The following TLN2 variants were observed in gnomAD, a reference collection of about 807,000 sequenced individuals.
TLN2 encodes talin 2, also known as talin-2.
TLN2 carries 118 observed loss-of-function variants against 294.7 expected under a neutral mutation model. The ratio of observed to expected loss-of-function variants is 0.40; its 90% CI spans 0.34 to 0.47. The LOEUF is 0.47. TLN2 is among the 20% of genes least tolerant of loss of function. The pLI is 0.84. For synonymous variants in TLN2, 1,431 were observed against 1,304.5 expected, an observed-to-expected ratio of 1.10 and a Z score of -2.09; for missense variants, 3,083 against 3,282.2, an observed-to-expected ratio of 0.94 and a Z score of 1.48.
intron 2 of TLN2, among the ~76,000 whole-genome samples, chr15:62,593,330 A>G (rs1237801485): frequency 1.3e-5 from 2 of 151,862 alleles, no homozygotes; most frequent in East Asian, 3.9e-4. Context: ...AGCACTGTCA[A>G]TCAAGATTCC....
intron 3 of TLN2, among the ~76,000 whole-genome samples, chr15:62,631,536 CCT>C (rs2049854240): frequency 2.8e-5 from 2 of 72,648 alleles, no homozygotes; most frequent in Non-Finnish European, 5.2e-5. Context: ...CCTTTCCTTT[CCT>C]TTCCTTTCCA....
intron 1 of TLN2, among the ~76,000 whole-genome samples, chr15:62,547,485 AC>A (rs1408297307): frequency 6.6e-6 from 1 of 152,178 alleles, no homozygotes; most frequent in Non-Finnish European, 1.5e-5. Flanking sequence ...GTAAATCCCA[AC>A]CTCTGTTTAT....
chr15:62,760,738 C>G (rs190330216), intron 37 of TLN2, among the ~76,000 whole-genome samples: 15 of 152,176 alleles, frequency 9.9e-5, no homozygotes, highest in Admixed American at 2.6e-4. Flanking sequence ...CCATCCAGAC[C>G]GTAAATCAGC....
chr15:62,813,983 T>A lies in TLN2; in HGVS notation c.6771+3951T>A, dbSNP rs1459531130. Among the ~76,000 whole-genome samples, 3 of 152,058 alleles carry A rather than the reference T, an allele frequency of 2.0e-5. No homozygotes were observed. In the East Asian group the frequency reaches 5.8e-4, roughly 29 times the overall value. On this transcript the variant is annotated intron_variant, in intron 52 of 58. Transcript: ENST00000636159. The stretch of plus-strand genomic sequence containing the variant: ...GCACGAGCTACCAGGCCTAGCTAAT[T>A]TTGTCTTTTTTGTAGAGATGGGGTT...
chr15:62,772,714 G>A (rs779820848), intron 42 of TLN2, among the ~76,000 whole-genome samples: 1 of 151,744 alleles, frequency 6.6e-6, no homozygotes, highest in Non-Finnish European at 1.5e-5. Flanking sequence ...CCAGCCTGGA[G>A]TGCAATGGCG....
intron 28 of TLN2, among the ~76,000 whole-genome samples, chr15:62,729,638 G>A (rs2060612949): frequency 6.6e-6 from 1 of 152,020 alleles, no homozygotes; most frequent in African/African-American, 2.4e-5. Flanking sequence ...TTAATGGATT[G>A]GGTATCCTCT....
chr15:62,609,076 T>C (rs1159490651), intron 2 of TLN2, among the ~76,000 whole-genome samples: 1 of 151,916 alleles, frequency 6.6e-6, no homozygotes, highest in African/African-American at 2.4e-5. Flanking sequence ...ACGTTAGGGA[T>C]AGATGAAGAA....
intron 11 of TLN2, among the ~76,000 whole-genome samples, chr15:62,678,311 G>T (rs551740214): frequency 6.6e-6 from 1 of 152,138 alleles, no homozygotes; most frequent in African/African-American, 2.4e-5. Context: ...ATTCAGGAAT[G>T]AGTCAATATT....
At chr15:62,641,812 G>A (rs1466123253) in intron 3 of TLN2, among the ~76,000 whole-genome samples, 9 of 152,112 alleles carry the variant, frequency 5.9e-5, no homozygotes, top group Non-Finnish European at 8.8e-5. Flanking sequence ...TAAGGCAGGT[G>A]GGGTCAGGGC....
chr15:62,806,712 C>T (rs2066310283), intron 51 of TLN2, among the ~76,000 whole-genome samples: 1 of 152,122 alleles, frequency 6.6e-6, no homozygotes, highest in Non-Finnish European at 1.5e-5. Flanking sequence ...TATAAGAGCC[C>T]CCACCCTAGG....
intron 1 of TLN2, among the ~76,000 whole-genome samples, chr15:62,512,204 G>A (rs568162844): frequency 6.6e-6 from 1 of 152,216 alleles, no homozygotes; most frequent in African/African-American, 2.4e-5. Flanking sequence ...ATCTTTTTGT[G>A]TGGTTTGGAT....
chr15:62,786,003 G>A (rs898794523), intron 45 of TLN2, among the ~76,000 whole-genome samples: 7 of 152,220 alleles, frequency 4.6e-5, no homozygotes, highest in Admixed American at 3.3e-4. Flanking sequence ...CCTTTTCACT[G>A]TTACATCTTG....
chr15:62,541,867 C>A (rs2140524181), intron 1 of TLN2, among the ~76,000 whole-genome samples: 1 of 152,056 alleles, frequency 6.6e-6, no homozygotes, highest in Admixed American at 6.6e-5. Flanking sequence ...GGGCCCTCGA[C>A]TATCAGTGAC....
chr15:62,569,756 C>T (rs1009302958), intron 1 of TLN2, among the ~76,000 whole-genome samples: 6 of 152,156 alleles, frequency 3.9e-5, no homozygotes, highest in East Asian at 3.9e-4. Context: ...AGGATAGGCA[C>T]GGCTGAATTT....
At chr15:62,677,931 G>A (rs553001553) in intron 11 of TLN2, among the ~76,000 whole-genome samples, 21 of 149,412 alleles carry the variant, frequency 1.4e-4, no homozygotes, top group Admixed American at 6.8e-4. Flanking sequence ...GAGTAGCTAG[G>A]GTTACAGGCA....
intron 1 of TLN2, among the ~76,000 whole-genome samples, chr15:62,482,602 CAAAAAAAA>C (rs781297837): frequency 4.0e-5 from 3 of 75,782 alleles, no homozygotes; most frequent in African/African-American, 1.4e-4. Flanking sequence ...AACGTTGTCT[CAAAAAAAA>C]AAAAAAAAAA....
chr15:62,403,411 A>G (rs1024114169), intron 1 of TLN2, among the ~76,000 whole-genome samples: 6 of 151,830 alleles, frequency 4.0e-5, no homozygotes, highest in Admixed American at 6.6e-5. Context: ...CTTTTTGCCA[A>G]TTTTTGTTTT....
intron 3 of TLN2, among the ~76,000 whole-genome samples, chr15:62,623,818 C>T (rs940074177): frequency 6.6e-6 from 1 of 152,108 alleles, no homozygotes; most frequent in Admixed American, 6.5e-5. Context: ...GGTGAGATAG[C>T]AAAATATGAG....
intron 1 of TLN2, among the ~76,000 whole-genome samples, chr15:62,471,298 T>C (rs1567004120): frequency 6.6e-6 from 1 of 152,190 alleles, no homozygotes; most frequent in African/African-American, 2.4e-5. Context: ...TGAGCCGAGA[T>C]CATGCTGCTG....
Sources: allele counts gnomAD v4.1 joint callset (sites outside exome capture counted in the v4.1 genomes callset), GRCh38; gene constraint gnomAD v4.1.1; transcripts MANE v1.5; gene names NCBI Gene and HGNC (gene_info 2026-07-23, HGNC 2026-07-21).